TNRC6A: variants seen among roughly 807,000 people sequenced by gnomAD.
TNRC6A encodes trinucleotide repeat-containing gene 6A protein.
A neutral mutation model predicts 221.2 loss-of-function variants in TNRC6A; 44 were observed. The observed-to-expected ratio is 0.20, with a 90% CI of 0.16 to 0.26. TNRC6A has a LOEUF of 0.26. TNRC6A is among the 10% of genes least tolerant of loss of function. The probability of loss-of-function intolerance (pLI) is 1.00; values close to 1 mark genes in which losing one functional copy is unlikely to be tolerated. For synonymous variants in TNRC6A, 847 were observed against 838.5 expected (o/e 1.01, Z -0.18); for missense variants, 2,199 against 2,404.4 (o/e 0.91, Z 1.79).
rs3042537 is a variant in TNRC6A, at chr16:24,624,467, C to CGTTTGTTTGTTT, written n.276+14000_276+14011dup. The stretch of plus-strand genomic sequence containing the variant: ...GCCCACTGCTTTACTTGCTAAGGAC[C>CGTTTGTTTGTTT]GTTTGTTTGTTTGTTTGTTTGTTTG... On this transcript the variant is annotated intron_variant and non_coding_transcript_variant, in intron 1 of 2. Transcript: ENST00000566108. 4.2e-3 allele frequency among the ~76,000 whole-genome samples: 635 copies of CGTTTGTTTGTTT among 151,256 alleles called. 2 individuals carry two copies. Among genetic ancestry groups the CGTTTGTTTGTTT allele is most frequent in the African/African-American group, 0.015 (619 of 41,130 alleles).
At chr16:24,712,931 G>A (rs1376207249) in intron 2 of TNRC6A, among the ~76,000 whole-genome samples, 6 of 150,856 alleles carry the variant, frequency 4.0e-5, no homozygotes, top group South Asian at 2.1e-4. Context: ...GTGTGTGTGT[G>A]TGTGTGTGTG....
chr16:24,642,908 G>T (rs1300664441), intron 2 of TNRC6A, among the ~76,000 whole-genome samples: 3 of 150,746 alleles, frequency 2.0e-5, no homozygotes, highest in Admixed American at 6.6e-5. Flanking sequence ...GCTGGGCATG[G>T]TTGTGTGTGT....
chr16:24,731,921 C>T (rs2056653676), intron 2 of TNRC6A, among the ~76,000 whole-genome samples: 1 of 152,180 alleles, frequency 6.6e-6, no homozygotes, highest in South Asian at 2.1e-4. Context: ...GTCTGTTAGG[C>T]CCTTTGGGTT....
At position 24,790,639 on chromosome 16, in the gene TNRC6A, C is replaced by T. The variant is rs2058078371; in HGVS notation, c.1997C>T (p.Thr666Ile). The T allele has an allele frequency of 6.2e-7, 1 of 1,614,176 alleles. No individual in the cohort carries two copies. Among genetic ancestry groups the T allele is most frequent in the Middle Eastern group, 1.6e-4 (1 of 6,062 alleles). The change falls in exon 6 of 25, where the codon ACA (threonine) becomes ATA (isoleucine). Residue 666 changes from threonine (T) to isoleucine (I), a missense_variant. Transcript: ENST00000395799. The part of the protein sequence containing the change: ...TNEQSSVWAK[T>I]GGTVESDGST... ...GAGCAAAGCAGTGTGTGGGCCAAAA[C>T]AGGAGGTACAGTGGAGAGCGATGGT... is the stretch of plus-strand genomic sequence containing the variant.
intron 2 of TNRC6A, among the ~76,000 whole-genome samples, chr16:24,675,686 CTCTCTCTCTCTCTCTCTATATA>C (rs1567346617): frequency 1.2e-5 from 1 of 83,780 alleles, no homozygotes; most frequent in Non-Finnish European, 2.3e-5. Context: ...CTCTCTCTCT[CTCTCTCTCTCTCTCTCTATATA>C]TATATATATA....
chr16:24,814,442 C>T (rs115664611), intron 18 of TNRC6A, among the ~76,000 whole-genome samples: 3,409 of 119,836 alleles, frequency 0.028, 159 homozygotes, highest in African/African-American at 0.11. Flanking sequence ...CGGAGTCTTG[C>T]CCTCTTCCCA....
intron 2 of TNRC6A, among the ~76,000 whole-genome samples, chr16:24,680,609 T>C (rs2055512885): frequency 6.7e-6 from 1 of 150,080 alleles, no homozygotes; most frequent in South Asian, 2.1e-4. Context: ...CCCAGATACT[T>C]GGGAGGCTGA....
At chr16:24,796,105 A>C in intron 9 of TNRC6A, 166 bp downstream of exon 9, 1 of 626,252 alleles carries the variant, frequency 1.6e-6, no homozygotes, top group South Asian at 2.5e-5. Flanking sequence ...CTCACAGTCT[A>C]GTATGGGGCA....
At chr16:24,805,523 A>C in intron 14 of TNRC6A, 82 bp from the exon 15 acceptor site, 1 of 1,561,758 alleles carries the variant, frequency 6.4e-7, no homozygotes. Flanking sequence ...TAACTGCTCT[A>C]TTGACAACTG....
At chr16:24,670,976 C>A in intron 2 of TNRC6A, 1 of 410,940 alleles carries the variant, frequency 2.4e-6, no homozygotes, top group South Asian at 1.7e-5. Context: ...TAATTAGCAT[C>A]TGGCCGTGAT....
At position 24,789,246 on chromosome 16, in the gene TNRC6A, A is replaced by G. The variant is rs749316168; in HGVS notation, c.604A>G (p.Thr202Ala). 1.9e-6 allele frequency: 3 copies of G among 1,602,850 alleles called. No individual in the cohort carries two copies. Among genetic ancestry groups the G allele is most frequent in the Non-Finnish European group, 2.6e-6 (3 of 1,174,292 alleles). ...CTTTATCCTAGATATAAACCACAGT[A>G]CTTCAGGATCCCATTATGAAAATTC... ...SKNQSDINHS[T>A]SGSHYENSQR... Residue 202 changes from threonine (T) to alanine (A), a missense_variant, in exon 6 of 25, where the codon ACT becomes GCT. Transcript: ENST00000395799.
intron 2 of TNRC6A, among the ~76,000 whole-genome samples, chr16:24,722,084 G>A (rs2056419374): frequency 6.6e-6 from 1 of 152,174 alleles, no homozygotes; most frequent in Non-Finnish European, 1.5e-5. Flanking sequence ...GATTGTGGTA[G>A]TCGCTACATG....
intron 2 of TNRC6A, among the ~76,000 whole-genome samples, chr16:24,721,732 G>A (rs558644401): frequency 8.5e-5 from 13 of 152,116 alleles, no homozygotes; most frequent in Admixed American, 3.9e-4. Context: ...GCTTCAGCCC[G>A]GGAAGTGGAT....
At chr16:24,766,542 A>G (rs2057475033) in intron 4 of TNRC6A, among the ~76,000 whole-genome samples, 1 of 152,218 alleles carries the variant, frequency 6.6e-6, no homozygotes, top group Non-Finnish European at 1.5e-5. Context: ...GTGCAGTGCA[A>G]GGAATAGGTC....
chr16:24,648,351 A>G lies in TNRC6A; in HGVS notation n.402+7342A>G, dbSNP rs141926450. On this transcript the variant is annotated intron_variant and non_coding_transcript_variant, in intron 2 of 2. Coordinates refer to the TNRC6A transcript ENST00000566108. Reference sequence around the variant, plus strand: ...CAGTGGCACAATCTTGGCTCACTGCAACCTCCAACCCCCAGTTCAAGCGAT... The same window carrying G: ...CAGTGGCACAATCTTGGCTCACTGCGACCTCCAACCCCCAGTTCAAGCGAT... Among the ~76,000 whole-genome samples, 1,294 of 139,422 alleles carry G rather than the reference A, an allele frequency of 9.3e-3. 20 individuals are homozygous for G. The highest frequency in any genetic ancestry group is 0.032 in the South Asian group (144 of 4,540). 91.5% of individuals were successfully genotyped at this position (139,422 alleles called of 152,430 possible).
At chr16:24,748,045 G>A (rs962733272) in intron 2 of TNRC6A, among the ~76,000 whole-genome samples, 1 of 152,056 alleles carries the variant, frequency 6.6e-6, no homozygotes, top group Non-Finnish European at 1.5e-5. Flanking sequence ...ACACAAGAAG[G>A]GTAAAGACAG....
intron 2 of TNRC6A, among the ~76,000 whole-genome samples, chr16:24,674,737 C>T (rs931077597): frequency 7.4e-5 from 10 of 135,884 alleles, no homozygotes; most frequent in African/African-American, 1.4e-4. Context: ...CACACACACA[C>T]ATCTTTGTCT....
At chr16:24,740,577 A>C (rs2056870608) in intron 2 of TNRC6A, among the ~76,000 whole-genome samples, 1 of 151,888 alleles carries the variant, frequency 6.6e-6, no homozygotes. Flanking sequence ...TGTTTTCTTG[A>C]TTTACTTTTT....
intron 2 of TNRC6A, among the ~76,000 whole-genome samples, chr16:24,674,761 C>G (rs940216515): frequency 2.8e-4 from 42 of 150,846 alleles, no homozygotes; most frequent in Non-Finnish European, 4.6e-4. Context: ...TCTGAACAAT[C>G]ATGTGACGTA....
Sources: gnomAD v4.1 joint callset for allele counts (sites outside exome capture counted in the v4.1 genomes callset) on GRCh38, gnomAD v4.1.1 for gene constraint, MANE v1.5 for transcripts, NCBI Gene and HGNC (gene_info 2026-07-23, HGNC 2026-07-21) for gene names.